Variants in MTHFD1L observed in about 807,000 individuals in gnomAD.
MTHFD1L encodes monofunctional C1-tetrahydrofolate synthase, mitochondrial.
In MTHFD1L, 81 loss-of-function variants were observed where a neutral mutation model predicts 119.5. That is an observed-to-expected ratio of 0.68 (90% CI 0.57 to 0.82). The LOEUF (loss-of-function observed/expected upper bound fraction) is 0.82. Among genes scored for constraint, MTHFD1L ranks in the 40% least tolerant of loss-of-function variants. MTHFD1L has a pLI of 0.00. For synonymous variants in MTHFD1L, 430 were observed against 475.2 expected, an observed-to-expected ratio of 0.90 and a Z score of 1.24; for missense variants, 1,125 against 1,253.4, an observed-to-expected ratio of 0.90 and a Z score of 1.55.
chr6:150,950,301 G>A (rs868811352), intron 16 of MTHFD1L, among the ~76,000 whole-genome samples: 4 of 152,128 alleles, frequency 2.6e-5, no homozygotes, highest in Non-Finnish European at 5.9e-5. Flanking sequence ...CCCTAGCTGG[G>A]CCATCTCCAT....
intron 10 of MTHFD1L, among the ~76,000 whole-genome samples, chr6:150,923,541 T>TTTATTTATTTATTTATTTA (rs1562387223): frequency 1.9e-4 from 6 of 32,322 alleles, no homozygotes; most frequent in African/African-American, 2.5e-4. Context: ...TTATTTATTT[T>TTTATTTATTTATTTATTTA]TTCTTTTTTT....
chr6:151,050,169 T>A (rs112580454), intron 26 of MTHFD1L, among the ~76,000 whole-genome samples: 6 of 152,146 alleles, frequency 3.9e-5, no homozygotes, highest in African/African-American at 1.4e-4. Flanking sequence ...TTTTTGTTGT[T>A]GTTGTTTGTT....
chr6:150,975,808 C>T (rs2057107), intron 20 of MTHFD1L, among the ~76,000 whole-genome samples: 29,284 of 152,108 alleles, frequency 0.19, 2,918 homozygotes, highest in Middle Eastern at 0.3. Flanking sequence ...TGGCAGAAGC[C>T]CCCTGAGCAG....
chr6:151,097,192 C>G (rs79874352), intron 27 of MTHFD1L, among the ~76,000 whole-genome samples: 61 of 152,288 alleles, frequency 4.0e-4, no homozygotes, highest in African/African-American at 1.3e-3. Context: ...CAAGGACTCC[C>G]TTACTTCTTT....
intron 26 of MTHFD1L, among the ~76,000 whole-genome samples, chr6:151,037,786 C>T (rs1409759172): frequency 6.6e-6 from 1 of 152,114 alleles, no homozygotes; most frequent in Non-Finnish European, 1.5e-5. Flanking sequence ...GATAGCCTTC[C>T]GTTGGTACCG....
chr6:150,932,843 G>GGAGA (rs1554253974), intron 11 of MTHFD1L, among the ~76,000 whole-genome samples: 2 of 141,786 alleles, frequency 1.4e-5, no homozygotes, highest in African/African-American at 5.5e-5. Context: ...AGGAAGGAAG[G>GGAGA]GAGAGAGAGT....
chr6:151,015,681 G>A lies in MTHFD1L; in HGVS notation c.2574G>A (p.Leu858=), dbSNP rs1782945117. ...GTAAAAGAAGCCGATTCCAGTTCCT[G>A]TATGATGTTCAGGTAAGATCTAGTA... ...AASKRSRFQF[L]YDVQVPIVDK... Residue 858 remains leucine, a synonymous_variant, in exon 24 of 28, where the codon CTG becomes CTA. Transcript: ENST00000367321. 2 of 1,613,858 alleles carry A rather than the reference G, an allele frequency of 1.2e-6. No homozygotes were observed. Among genetic ancestry groups the A allele is most frequent in the Admixed American group, 3.3e-5 (2 of 59,976 alleles).
At chr6:150,936,036 A>G (rs1228162463) in intron 11 of MTHFD1L, among the ~76,000 whole-genome samples, 2 of 152,234 alleles carry the variant, frequency 1.3e-5, no homozygotes, top group Non-Finnish European at 2.9e-5. Context: ...GTCATCAACA[A>G]TAAGATTCTC....
rs1416017925 is a variant in MTHFD1L at position 150,949,112 on chromosome 6, T to A, written c.1705T>A (p.Ser569Thr). Reference protein sequence around the residue: ...SKFARLDIDPSTITWQRVLDT... With the variant: ...SKFARLDIDPTTITWQRVLDT... ...ATTTGCCCGTCTCGACATCGACCCA[T>A]CTACCATCACGTGGCAGAGAGGTGG... The change falls in exon 16 of 28, where the codon TCT (serine) becomes ACT (threonine). Residue 569 changes from serine (S) to threonine (T), a missense_variant. Around this residue, in one of 3 missense-constraint regions of MTHFD1L, gnomAD observed 1,058 missense variants for 1,151.2 expected, o/e 0.92. Transcript: ENST00000367321. The A allele has an allele frequency of 6.2e-7, 1 of 1,613,962 alleles. No homozygotes were observed. Among genetic ancestry groups the A allele is most frequent in the Admixed American group, 1.7e-5 (1 of 59,996 alleles).
At chr6:151,061,366 G>A (rs985455228) in intron 26 of MTHFD1L, among the ~76,000 whole-genome samples, 1 of 152,122 alleles carries the variant, frequency 6.6e-6, no homozygotes, top group Admixed American at 6.5e-5. Flanking sequence ...AGGCTCATTA[G>A]AGACTCAGTC....
chr6:151,086,612 C>G (rs73622476), intron 26 of MTHFD1L, among the ~76,000 whole-genome samples: 2 of 152,066 alleles, frequency 1.3e-5, no homozygotes, highest in Non-Finnish European at 2.9e-5. Context: ...ACTGTAGCCT[C>G]GACCTCCTGG....
chr6:150,978,694 C>T (rs1246134667), intron 20 of MTHFD1L, among the ~76,000 whole-genome samples: 1 of 152,190 alleles, frequency 6.6e-6, no homozygotes, highest in Non-Finnish European at 1.5e-5. Context: ...TAGACCGGTG[C>T]TGAGACTATC....
chr6:150,910,312 C>T (rs1161399584), intron 8 of MTHFD1L, among the ~76,000 whole-genome samples: 1 of 152,064 alleles, frequency 6.6e-6, no homozygotes, highest in Admixed American at 6.5e-5. Context: ...GCCTGTAATC[C>T]TAGCACTTTG....
chr6:150,994,078 A>AAGGAAGG (rs1252305117), intron 20 of MTHFD1L, among the ~76,000 whole-genome samples: 4 of 118,098 alleles, frequency 3.4e-5, no homozygotes, highest in African/African-American at 1.5e-4. Flanking sequence ...AAAAAAAAAA[A>AAGGAAGG]AAGAAAGAAA....
Position 151,034,378 on chromosome 6 carries a change from G to A in MTHFD1L, c.2587-115G>A, listed in dbSNP as rs1170802840. ...TTGCTAGGAATCCTGCAGTTGCTGA[G>A]GGGGTACTCTGATAAGGGAATTTTA... On this transcript the variant is annotated intron_variant, in intron 24 of 27. Transcript: ENST00000367321. The A allele has an allele frequency of 8.5e-6, 6 of 707,468 alleles. No homozygotes were observed. In the East Asian group the frequency reaches 1.6e-4, roughly 19 times the overall value. The allele number at this position is 707,468 out of a possible 1,614,324, so 43.8% of individuals were successfully genotyped here.
At chr6:151,053,783 C>T (rs1308302936) in intron 26 of MTHFD1L, among the ~76,000 whole-genome samples, 1 of 151,498 alleles carries the variant, frequency 6.6e-6, no homozygotes, top group South Asian at 2.1e-4. Flanking sequence ...TCTCTTGAAC[C>T]CGGGAGGTGG....
At chr6:150,988,657 A>G (rs542772083) in intron 20 of MTHFD1L, among the ~76,000 whole-genome samples, 137 of 152,228 alleles carry the variant, frequency 9.0e-4, no homozygotes, top group African/African-American at 3.2e-3. Flanking sequence ...CCCAGGCTGG[A>G]GTGCAATGAT....
intron 8 of MTHFD1L, among the ~76,000 whole-genome samples, chr6:150,916,737 CTTTTTTTTTTTTTTTTTTTTTTTTTT>C (rs57961829): frequency 0.014 from 985 of 72,130 alleles, 31 homozygotes; most frequent in African/African-American, 0.039. Context: ...GATTCTATCC[CTTTTTTTTTTTTTTTTTTTTTTTTTT>C]TTTTTTTTTT....
intron 26 of MTHFD1L, among the ~76,000 whole-genome samples, chr6:151,070,042 A>T (rs1791792328): frequency 6.6e-6 from 1 of 152,124 alleles, no homozygotes; most frequent in Non-Finnish European, 1.5e-5. Context: ...CTCTGGCCCA[A>T]GTGGACCACA....
Sources: allele counts gnomAD v4.1 joint callset (sites outside exome capture counted in the v4.1 genomes callset), GRCh38; gene constraint gnomAD v4.1.1; regional missense constraint gnomAD v4.1.1; transcripts MANE v1.5; gene names NCBI Gene and HGNC (gene_info 2026-07-23, HGNC 2026-07-21).